Variants in EIF5A2 observed in about 807,000 individuals in gnomAD.
EIF5A2 encodes eukaryotic translation initiation factor 5A-2.
Under a neutral mutation model 16.4 loss-of-function variants are expected in EIF5A2, and 15 were observed. The observed-to-expected ratio is 0.92, with a 90% CI of 0.61 to 1.41. The LOEUF is 1.41. Ranked by LOEUF, EIF5A2 falls within the 40% of genes most tolerant of loss-of-function variation. EIF5A2 has a pLI of 0.00. For synonymous variants in EIF5A2, 48 were observed against 61.1 expected (o/e 0.79, Z 1.00); for missense variants, 144 against 189.5 (o/e 0.76, Z 1.41).
rs756540332 is a variant in EIF5A2, at chr3:170,907,753, G to C, written c.54C>G (p.Tyr18Ter). The C allele has an allele frequency of 4.4e-5, 70 of 1,593,912 alleles. No homozygotes were observed. Among genetic ancestry groups the C allele is most frequent in the Non-Finnish European group, 6.0e-5 (70 of 1,164,354 alleles). The change falls in exon 2 of 5, where the codon TAC becomes TAG. Residue 18 changes from tyrosine to a stop codon, truncating the protein, a stop_gained. Transcript: ENST00000295822. LOFTEE classifies it high-confidence loss of function. Reference protein sequence around the residue: ...TTGDAGASSTYPMQCSALRKN... With the variant: ...TTGDAGASST Reference sequence around the variant, plus strand: ...TGCGCAAGGCCGAGCACTGCATAGGGTAAGTGCTGGAAGCCCCGGCATCTC... The same window carrying C: ...TGCGCAAGGCCGAGCACTGCATAGGCTAAGTGCTGGAAGCCCCGGCATCTC...
chr3:170,907,808 G>A lies in EIF5A2; in HGVS notation c.-2C>T. The A allele has an allele frequency of 6.6e-7, 1 of 1,524,978 alleles. No homozygotes were observed. The highest frequency in any genetic ancestry group is 1.4e-5 in the African/African-American group (1 of 72,842). 94.5% of individuals were successfully genotyped at this position (1,524,978 alleles called of 1,614,324 possible). A position where few individuals can be genotyped will look rare whatever the true frequency, so the allele number is the denominator to read the frequency against. ...AGTGAAATCAATTTCGTCTGCCATG[G>A]TGGGCAGGGGAGATGGTAGTTTTTC... On this transcript the variant is annotated 5_prime_UTR_variant, in exon 2 of 5. Coordinates refer to ENST00000295822, the MANE Select transcript of EIF5A2 (RefSeq NM_020390.6).
chr3:170,898,032 G>C (rs1453500323), intron 3 of EIF5A2, among the ~76,000 whole-genome samples: 1 of 152,212 alleles, frequency 6.6e-6, no homozygotes, highest in Non-Finnish European at 1.5e-5. Context: ...TACCCTGCTA[G>C]GTTTCGGACT....
chr3:170,889,048 C>CTTTTTTTTTTT lies in EIF5A2; in HGVS notation c.*4301_*4311dup, dbSNP rs67417067. Reference sequence around the variant, plus strand: ...ACTTCATATAAATACAATAACCTGTCTTTTTTTTTTTTTTTTTTTTTTTGT... The same window carrying CTTTTTTTTTTT: ...ACTTCATATAAATACAATAACCTGTCTTTTTTTTTTTTTTTTTTTTTTTTTTTTTTTTTTGT... On this transcript the variant is annotated 3_prime_UTR_variant, in exon 5 of 5. Transcript: ENST00000295822. 1.8e-3 allele frequency: 173 copies of CTTTTTTTTTTT among 96,156 alleles called. 13 individuals carry two copies. The highest frequency in any genetic ancestry group is 2.2e-3 in the Non-Finnish European group (116 of 52,940). The allele number at this position is 96,156 out of a possible 1,614,324, so 6.0% of individuals were successfully genotyped here. A position where few individuals can be genotyped will look rare whatever the true frequency, so the allele number is the denominator to read the frequency against.
chr3:170,907,436 C>T (rs763774959), intron 2 of EIF5A2, among the ~76,000 whole-genome samples: 2 of 152,108 alleles, frequency 1.3e-5, no homozygotes, highest in Non-Finnish European at 2.9e-5. Context: ...AGTTTCAGTT[C>T]CCAGTTAATG....
At chr3:170,898,077 T>C (rs1332409685) in intron 3 of EIF5A2, among the ~76,000 whole-genome samples, 1 of 152,226 alleles carries the variant, frequency 6.6e-6, no homozygotes, top group East Asian at 1.9e-4. Context: ...TTTTGGCCAA[T>C]TTCTCCCATT....
In EIF5A2 at chr3:170,907,103, G is replaced by A; in HGVS notation, c.166-10C>T. ...TTCCAACAAGGTGAACCTAACAGAG[G>A]AGAACAGGAAACCTGTTTAATCTCT... is the stretch of plus-strand genomic sequence containing the variant. On this transcript the variant is annotated splice_polypyrimidine_tract_variant and intron_variant, in intron 2 of 4. Coordinates refer to ENST00000295822, the MANE Select transcript of EIF5A2 (RefSeq NM_020390.6). The A allele has an allele frequency of 5.7e-6, 9 of 1,591,434 alleles. No individual in the cohort carries two copies. The highest frequency in any genetic ancestry group is 6.9e-6 in the Non-Finnish European group (8 of 1,161,824).
Position 170,890,767 on chromosome 3 carries a change from C to G in EIF5A2, c.*2593G>C, listed in dbSNP as rs1214564784. The G allele has an allele frequency of 6.6e-6, 1 of 152,408 alleles. No homozygotes were observed. Among genetic ancestry groups the G allele is most frequent in the South Asian group, 2.1e-4 (1 of 4,824 alleles). 9.4% of individuals were successfully genotyped at this position (152,408 alleles called of 1,614,324 possible). On this transcript the variant is annotated 3_prime_UTR_variant, in exon 5 of 5. Transcript: ENST00000295822. ...TTTTAACATTTGCTACAAAAAAGTA[C>G]AACAAATATTGGGAATCAACTTTAA...
intron 3 of EIF5A2, among the ~76,000 whole-genome samples, chr3:170,902,932 C>G (rs1241608587): frequency 2.0e-5 from 3 of 152,100 alleles, no homozygotes; most frequent in African/African-American, 7.2e-5. Flanking sequence ...CTTCTCTCAT[C>G]TTTGCTCAGT....
intron 3 of EIF5A2, among the ~76,000 whole-genome samples, chr3:170,906,492 A>G (rs183729428): frequency 1.3e-5 from 2 of 152,268 alleles, no homozygotes; most frequent in East Asian, 3.9e-4. Flanking sequence ...TTTATCCTTT[A>G]TATTTATGGC....
intron 3 of EIF5A2, among the ~76,000 whole-genome samples, chr3:170,896,472 T>C (rs983402588): frequency 6.6e-6 from 1 of 152,070 alleles, no homozygotes; most frequent in Non-Finnish European, 1.5e-5. Flanking sequence ...GATCATGGGG[T>C]CAGTCTCCGC....
chr3:170,899,664 AG>A (rs1272326359), intron 3 of EIF5A2, among the ~76,000 whole-genome samples: 1 of 151,982 alleles, frequency 6.6e-6, no homozygotes, highest in East Asian at 1.9e-4. Flanking sequence ...ATGCTGACTA[AG>A]GTAGTTATCT....
chr3:170,900,384 A>G (rs1196199962), intron 3 of EIF5A2, among the ~76,000 whole-genome samples: 1 of 151,814 alleles, frequency 6.6e-6, no homozygotes, highest in Non-Finnish European at 1.5e-5. Flanking sequence ...AAAAAAAAAA[A>G]AAAAAGAATG....
At chr3:170,896,159 G>C (rs1462730970) in intron 3 of EIF5A2, among the ~76,000 whole-genome samples, 1 of 152,080 alleles carries the variant, frequency 6.6e-6, no homozygotes, top group East Asian at 1.9e-4. Flanking sequence ...GTATGTAATG[G>C]AGCTATTTTA....
At chr3:170,905,256 T>C (rs1013668090) in intron 3 of EIF5A2, among the ~76,000 whole-genome samples, 1 of 152,248 alleles carries the variant, frequency 6.6e-6, no homozygotes, top group Non-Finnish European at 1.5e-5. Context: ...ACTAGTTCTG[T>C]CTTTATTTAA....
Position 170,892,622 on chromosome 3 carries a change from T to C in EIF5A2, c.*738A>G, listed in dbSNP as rs879168640. ...TTCATTTTTATGCTGACTTACAAAG[T>C]CCTCACATAAAAACTTATAGATTTA... On this transcript the variant is annotated 3_prime_UTR_variant, in exon 5 of 5. Transcript: ENST00000295822. 10 of 396,752 alleles carry C rather than the reference T, an allele frequency of 2.5e-5. No individual in the cohort carries two copies. The East Asian group carries it at 3.6e-4, about 14-fold the overall frequency. 24.6% of individuals were successfully genotyped at this position (396,752 alleles called of 1,614,324 possible).
chr3:170,890,995 A>G lies in EIF5A2; in HGVS notation c.*2365T>C, dbSNP rs1046862946. Reference sequence around the variant, plus strand: ...AGTATTTACACTTCATATATTACTTAAAATGAAAATATTTATGCATAAATA... The same window carrying G: ...AGTATTTACACTTCATATATTACTTGAAATGAAAATATTTATGCATAAATA... On this transcript the variant is annotated 3_prime_UTR_variant, in exon 5 of 5. Coordinates refer to ENST00000295822, the MANE Select transcript of EIF5A2 (RefSeq NM_020390.6). 4 of 152,624 alleles carry G rather than the reference A, an allele frequency of 2.6e-5. No individual in the cohort carries two copies. Among genetic ancestry groups the G allele is most frequent in the Non-Finnish European group, 5.9e-5 (4 of 68,004 alleles). 9.5% of individuals were successfully genotyped at this position (152,624 alleles called of 1,614,324 possible).
chr3:170,893,617 A>T (rs1560008913), intron 4 of EIF5A2, among the ~76,000 whole-genome samples, 198 bp from the exon 5 acceptor site: 1 of 152,238 alleles, frequency 6.6e-6, no homozygotes, highest in Non-Finnish European at 1.5e-5. Context: ...ACTTCCAGGG[A>T]ACAGGAAAAA....
At chr3:170,901,187 G>A (rs1712804554) in intron 3 of EIF5A2, among the ~76,000 whole-genome samples, 2 of 152,188 alleles carry the variant, frequency 1.3e-5, no homozygotes, top group African/African-American at 4.8e-5. Flanking sequence ...CAGTGTCTTT[G>A]TCAAAAAATT....
chr3:170,902,394 C>G, intron 3 of EIF5A2, among the ~76,000 whole-genome samples: 1 of 141,704 alleles, frequency 7.1e-6, no homozygotes, highest in East Asian at 2.1e-4. Context: ...GAATGCCATT[C>G]AGCCTTTTTT....
Sources: gnomAD v4.1 joint callset for allele counts (sites outside exome capture counted in the v4.1 genomes callset) on GRCh38, gnomAD v4.1.1 for gene constraint, MANE v1.5 for transcripts, NCBI Gene and HGNC (gene_info 2026-07-23, HGNC 2026-07-21) for gene names.